The following LRRC4C variants were observed in gnomAD, a reference collection of about 807,000 sequenced individuals.
The protein encoded by LRRC4C is leucine rich repeat containing 4C.
In LRRC4C, 5 loss-of-function variants were observed where a neutral mutation model predicts 33.6. That is an observed-to-expected ratio of 0.15 (90% CI 0.08 to 0.31). The LOEUF (loss-of-function observed/expected upper bound fraction) is 0.31, where lower values mean the gene tolerates loss of function less well. LRRC4C is among the 10% of genes least tolerant of loss of function. The pLI, the probability that LRRC4C is intolerant of heterozygous loss-of-function variation, is 1.00. For synonymous variants in LRRC4C, 329 were observed against 302.0 expected, an observed-to-expected ratio of 1.09 and a Z score of -0.93; for missense variants, 560 against 796.7, an observed-to-expected ratio of 0.70 and a Z score of 3.58.
intron 2 of LRRC4C, among the ~76,000 whole-genome samples, chr11:40,720,720 CTCTT>C (rs1192314643): frequency 5.3e-5 from 8 of 152,150 alleles, no homozygotes; most frequent in Admixed American, 5.2e-4. Flanking sequence ...TACGATTAGA[CTCTT>C]TCTATTTTTC....
At chr11:40,658,456 T>C (rs762385580) in intron 2 of LRRC4C, among the ~76,000 whole-genome samples, 27 of 152,294 alleles carry the variant, frequency 1.8e-4, no homozygotes, top group Non-Finnish European at 3.2e-4. Context: ...ACACTGGGTT[T>C]CAGTAGAGAA....
At chr11:41,278,220 ATAAT>A (rs1949544744) in intron 1 of LRRC4C, among the ~76,000 whole-genome samples, 1 of 152,238 alleles carries the variant, frequency 6.6e-6, no homozygotes, top group East Asian at 1.9e-4. Flanking sequence ...ATTATGTGAT[ATAAT>A]GCATTTGTCA....
intron 2 of LRRC4C, among the ~76,000 whole-genome samples, chr11:40,757,059 C>G (rs2137036174): frequency 6.6e-6 from 1 of 152,190 alleles, no homozygotes; most frequent in African/African-American, 2.4e-5. Context: ...CTCTCATACT[C>G]TCTTCCAAGG....
At chr11:41,035,950 T>C (rs1468223447) in intron 1 of LRRC4C, among the ~76,000 whole-genome samples, 1 of 152,120 alleles carries the variant, frequency 6.6e-6, no homozygotes, top group African/African-American at 2.4e-5. Flanking sequence ...CTCATAAATA[T>C]TAGAGCCCAT....
chr11:40,383,269 A>G (rs558603921), intron 3 of LRRC4C, among the ~76,000 whole-genome samples: 1 of 152,226 alleles, frequency 6.6e-6, no homozygotes, highest in South Asian at 2.1e-4. Flanking sequence ...ATGGATGGAC[A>G]CTTAGGTTGT....
At chr11:40,955,776 G>C (rs1223579067) in intron 1 of LRRC4C, among the ~76,000 whole-genome samples, 1 of 151,752 alleles carries the variant, frequency 6.6e-6, no homozygotes, top group Admixed American at 6.6e-5. Context: ...ACTCATAGAG[G>C]AAAGCACTTA....
rs1012299342 is a variant in LRRC4C, at chr11:40,327,241, G to A, written c.-269-7520C>T. Reference sequence around the variant, plus strand: ...CAGAAATCTGCCATTTCCCATGACAGGGCTTTCAACAGAGGCTGCTTCTGG... The same window carrying A: ...CAGAAATCTGCCATTTCCCATGACAAGGCTTTCAACAGAGGCTGCTTCTGG... On this transcript the variant is annotated intron_variant, in intron 3 of 6. Transcript: ENST00000528697. 2.6e-5 allele frequency among the ~76,000 whole-genome samples: 4 copies of A among 152,318 alleles called. No individual in the cohort carries two copies. The East Asian group carries it at 5.8e-4, about 22-fold the overall frequency.
intron 2 of LRRC4C, among the ~76,000 whole-genome samples, chr11:40,839,392 C>T (rs529749318): frequency 6.6e-6 from 1 of 152,152 alleles, no homozygotes; most frequent in East Asian, 1.9e-4. Flanking sequence ...ATTACAGACA[C>T]CCACCACCAT....
At chr11:40,982,936 T>C (rs917519677) in intron 1 of LRRC4C, among the ~76,000 whole-genome samples, 4 of 152,202 alleles carry the variant, frequency 2.6e-5, no homozygotes, top group Non-Finnish European at 5.9e-5. Context: ...TGGTTTTCTG[T>C]TCTGGTGTTA....
intron 3 of LRRC4C, among the ~76,000 whole-genome samples, chr11:40,542,361 CA>C (rs1200795410): frequency 2.6e-5 from 4 of 152,070 alleles, no homozygotes; most frequent in African/African-American, 9.7e-5. Context: ...AGTGTTTTGT[CA>C]ACCTCTATTC....
intron 1 of LRRC4C, among the ~76,000 whole-genome samples, chr11:40,944,355 C>G (rs1053987652): frequency 1.3e-5 from 2 of 152,032 alleles, no homozygotes; most frequent in Admixed American, 1.3e-4. Flanking sequence ...TTTTTCTGAC[C>G]TCTCCAGTGT....
chr11:40,940,879 T>C (rs1485234516), intron 1 of LRRC4C, among the ~76,000 whole-genome samples: 1 of 151,706 alleles, frequency 6.6e-6, no homozygotes, highest in Non-Finnish European at 1.5e-5. Flanking sequence ...ATCTGGGGAA[T>C]GGGGATCATG....
intron 2 of LRRC4C, among the ~76,000 whole-genome samples, chr11:40,734,661 G>A (rs1947763913): frequency 6.6e-6 from 1 of 151,952 alleles, no homozygotes; most frequent in South Asian, 2.1e-4. Flanking sequence ...ATGACTAACC[G>A]GGAGACAAAA....
chr11:40,253,707 A>T (rs1866971134), intron 4 of LRRC4C, among the ~76,000 whole-genome samples: 1 of 152,178 alleles, frequency 6.6e-6, no homozygotes, highest in Non-Finnish European at 1.5e-5. Flanking sequence ...GCTACAGATT[A>T]CCTTGGATCC....
At chr11:41,344,310 T>G (rs1951734134) in intron 1 of LRRC4C, among the ~76,000 whole-genome samples, 1 of 140,134 alleles carries the variant, frequency 7.1e-6, no homozygotes, top group Non-Finnish European at 1.5e-5. Flanking sequence ...CGCTGCAACC[T>G]CCCGGGTTCA....
chr11:40,159,767 A>T lies in LRRC4C; in HGVS notation c.-95-18914T>A, dbSNP rs74416987. 3.1e-3 allele frequency among the ~76,000 whole-genome samples: 471 copies of T among 152,190 alleles called. 5 individuals are homozygous for T. Among genetic ancestry groups the T allele is most frequent in the African/African-American group, 0.011 (449 of 41,516 alleles). On this transcript the variant is annotated intron_variant, in intron 5 of 6. Coordinates refer to ENST00000528697, the MANE Select transcript of LRRC4C (RefSeq NM_001258419.2). Reference sequence around the variant, plus strand: ...TACTCAACTGCAGACTGTCACTTTTACCTCCTTTCCCTGAAATTACATTAT... The same window carrying T: ...TACTCAACTGCAGACTGTCACTTTTTCCTCCTTTCCCTGAAATTACATTAT...
intron 1 of LRRC4C, among the ~76,000 whole-genome samples, chr11:41,295,782 G>T (rs532568658): frequency 6.6e-6 from 1 of 152,014 alleles, no homozygotes; most frequent in Admixed American, 6.6e-5. Context: ...CCATTTTCTT[G>T]ACTAAAGTCA....
chr11:40,395,236 A>G (rs532637112), intron 3 of LRRC4C, among the ~76,000 whole-genome samples: 1 of 152,248 alleles, frequency 6.6e-6, no homozygotes, highest in African/African-American at 2.4e-5. Context: ...TCCTGTGCAT[A>G]GGTATTTGGT....
chr11:40,571,028 G>A (rs1379568440), intron 3 of LRRC4C, among the ~76,000 whole-genome samples: 1 of 151,992 alleles, frequency 6.6e-6, no homozygotes, highest in Non-Finnish European at 1.5e-5. Context: ...ATCAATATAA[G>A]TTCTGAGGCA....
Sources: gnomAD v4.1 joint callset for allele counts (sites outside exome capture counted in the v4.1 genomes callset) on GRCh38, gnomAD v4.1.1 for gene constraint, MANE v1.5 for transcripts, NCBI Gene and HGNC (gene_info 2026-07-23, HGNC 2026-07-21) for gene names.